DISP1: variants seen among roughly 807,000 people sequenced by gnomAD.
The protein encoded by DISP1 is dispatched RND transporter family member 1.
Under a neutral mutation model 37.3 loss-of-function variants are expected in DISP1, and 30 were observed. The observed-to-expected ratio is 0.80, with a 90% CI of 0.60 to 1.09. DISP1 has a LOEUF of 1.09. Among genes scored for constraint, DISP1 ranks in the 50% least tolerant of loss-of-function variants. DISP1 has a pLI of 0.00. For missense variants in DISP1, 1,598 were observed against 1,879.5 expected, an observed-to-expected ratio of 0.85 and a Z score of 2.77; for synonymous variants, 634 against 690.2, an observed-to-expected ratio of 0.92 and a Z score of 1.28.
intron 2 of DISP1, among the ~76,000 whole-genome samples, chr1:222,937,760 A>C (rs1347528479): frequency 6.7e-6 from 1 of 148,162 alleles, no homozygotes; most frequent in African/African-American, 2.5e-5. Flanking sequence ...GTGTGGGCAC[A>C]TCACATCTCA....
intron 1 of DISP1, among the ~76,000 whole-genome samples, chr1:222,842,797 C>T (rs1447926017): frequency 2.6e-5 from 4 of 151,962 alleles, no homozygotes; most frequent in African/African-American, 4.8e-5. Context: ...ATTGTTTGAC[C>T]TCAGAACCTT....
intron 1 of DISP1, among the ~76,000 whole-genome samples, chr1:222,910,595 G>T (rs1032160229): frequency 6.6e-6 from 1 of 152,164 alleles, no homozygotes; most frequent in African/African-American, 2.4e-5. Flanking sequence ...TTTGAAATGT[G>T]TGAACATGAT....
At chr1:222,963,607 C>A (rs1676227354) in intron 3 of DISP1, among the ~76,000 whole-genome samples, 1 of 152,124 alleles carries the variant, frequency 6.6e-6, no homozygotes, top group African/African-American at 2.4e-5. Flanking sequence ...AAGATCATGT[C>A]CTTTGCAGAG....
intron 1 of DISP1, among the ~76,000 whole-genome samples, chr1:222,914,578 A>G (rs1672387844): frequency 6.6e-6 from 1 of 152,154 alleles, no homozygotes; most frequent in Non-Finnish European, 1.5e-5. Context: ...TGAGACCATT[A>G]TCCTTCCCTT....
intron 2 of DISP1, among the ~76,000 whole-genome samples, chr1:222,932,410 T>C (rs1020774935): frequency 3.3e-5 from 5 of 151,982 alleles, no homozygotes; most frequent in African/African-American, 1.2e-4. Context: ...AATATTCATA[T>C]TTAATGCATA....
chr1:222,909,992 A>T (rs1299732291), intron 1 of DISP1, among the ~76,000 whole-genome samples: 2 of 152,156 alleles, frequency 1.3e-5, no homozygotes, highest in Non-Finnish European at 2.9e-5. Context: ...GTAGGATAAA[A>T]ACACAGTTTA....
At chr1:222,849,347 A>G (rs1005979701) in intron 1 of DISP1, among the ~76,000 whole-genome samples, 7 of 152,198 alleles carry the variant, frequency 4.6e-5, no homozygotes, top group Non-Finnish European at 1.0e-4. Context: ...TAACCATGTG[A>G]AAAATACCAA....
chr1:222,894,607 GC>G (rs1671138089), intron 1 of DISP1, among the ~76,000 whole-genome samples: 1 of 152,214 alleles, frequency 6.6e-6, no homozygotes, highest in African/African-American at 2.4e-5. Flanking sequence ...GGGGCAGGGG[GC>G]TTCTCGGGCC....
At chr1:222,838,539 T>G (rs1321624500) in intron 1 of DISP1, among the ~76,000 whole-genome samples, 1 of 152,108 alleles carries the variant, frequency 6.6e-6, no homozygotes, top group Non-Finnish European at 1.5e-5. Flanking sequence ...GAGCCCCAGG[T>G]AGAAGGATCA....
chr1:222,968,360 CCAGTTAA>C (rs1676663039), intron 3 of DISP1, among the ~76,000 whole-genome samples: 2 of 152,144 alleles, frequency 1.3e-5, no homozygotes, highest in South Asian at 4.1e-4. Flanking sequence ...AAAATGGGCA[CCAGTTAA>C]CTGAGAGATT....
In DISP1 at chr1:222,942,848, G is replaced by A. The variant is rs1674483417; in HGVS notation, c.25G>A (p.Asp9Asn). The A allele has an allele frequency of 6.2e-7, 1 of 1,614,172 alleles. No individual in the cohort carries two copies. The highest frequency in any genetic ancestry group is 1.3e-5 in the African/African-American group (1 of 75,048). Reference sequence around the variant, plus strand: ...CATGGCTATGAGCAATGGAAACAATGATTTTGTGGTTCTGAGCAACAGCAG... The same window carrying A: ...CATGGCTATGAGCAATGGAAACAATAATTTTGTGGTTCTGAGCAACAGCAG... MAMSNGNN[D>N]FVVLSNSSIA... Residue 9 changes from aspartate (D) to asparagine (N), a missense_variant, in exon 3 of 9, where the codon GAT (aspartate) becomes AAT (asparagine). Transcript: ENST00000675850.
intron 1 of DISP1, among the ~76,000 whole-genome samples, chr1:222,836,214 C>T (rs186164301): frequency 3.3e-5 from 5 of 152,222 alleles, no homozygotes; most frequent in Admixed American, 2.0e-4. Context: ...TGTAAGTAAG[C>T]GTGCTAGGTT....
Position 223,005,551 on chromosome 1 carries a change from T to C in DISP1, c.4154T>C (p.Leu1385Pro), listed in dbSNP as rs1274071713. 1 of 1,614,024 alleles carries C rather than the reference T, an allele frequency of 6.2e-7. No homozygotes were observed. Among genetic ancestry groups the C allele is most frequent in the East Asian group, 2.2e-5 (1 of 44,864 alleles). The change falls in exon 9 of 9, where the codon CTT becomes CCT. Residue 1385 changes from leucine to proline, a missense_variant. Coordinates refer to ENST00000675850, the MANE Select transcript of DISP1 (RefSeq NM_001377229.1). ...HSLQRSIEEH[L>P]PKMAEPSSFV... ...CTTCAGAGGAGCATAGAAGAGCATCTTCCAAAGATGGCAGAGCCATCGTCA... is the reference window on the plus strand; with the variant it reads ...CTTCAGAGGAGCATAGAAGAGCATCCTCCAAAGATGGCAGAGCCATCGTCA...
intron 1 of DISP1, among the ~76,000 whole-genome samples, chr1:222,924,764 A>G (rs149037135): frequency 6.4e-4 from 97 of 152,296 alleles, no homozygotes; most frequent in African/African-American, 2.3e-3. Flanking sequence ...AAAAAAGATA[A>G]ATAGACAAGA....
In DISP1 at chr1:222,849,005, G is replaced by A. The variant is rs529670810; in HGVS notation, c.-159+33927G>A. Among the ~76,000 whole-genome samples the A allele has an allele frequency of 1.1e-4, 16 of 152,230 alleles. No individual in the cohort carries two copies. The South Asian group carries it at 1.5e-3, about 14-fold the overall frequency. On this transcript the variant is annotated intron_variant, in intron 1 of 8. Coordinates refer to ENST00000675850, the MANE Select transcript of DISP1 (RefSeq NM_001377229.1). ...AGGCAAAAAGTCACATTTTTGGAGTGTGTCTTTTGTATTTTCTGCTTTTAA... is the reference window on the plus strand; with the variant it reads ...AGGCAAAAAGTCACATTTTTGGAGTATGTCTTTTGTATTTTCTGCTTTTAA...
At chr1:222,939,704 C>G (rs1331125542) in intron 2 of DISP1, among the ~76,000 whole-genome samples, 2 of 151,910 alleles carry the variant, frequency 1.3e-5, no homozygotes, top group Admixed American at 6.6e-5. Flanking sequence ...GTGGCACACA[C>G]CTGTGATCCC....
intron 3 of DISP1, among the ~76,000 whole-genome samples, chr1:222,953,524 G>A (rs1488410405): frequency 6.6e-6 from 1 of 152,072 alleles, no homozygotes; most frequent in Non-Finnish European, 1.5e-5. Context: ...GAATAAATAG[G>A]CCTCTTTAGC....
chr1:222,828,616 C>T (rs951602169), intron 1 of DISP1, among the ~76,000 whole-genome samples: 6 of 152,116 alleles, frequency 3.9e-5, no homozygotes, highest in African/African-American at 1.4e-4. Context: ...GGTCTTTGCT[C>T]AGGCTCTCCA....
At chr1:222,975,229 C>T (rs959946943) in intron 3 of DISP1, among the ~76,000 whole-genome samples, 10 of 151,788 alleles carry the variant, frequency 6.6e-5, no homozygotes, top group African/African-American at 1.9e-4. Flanking sequence ...CTCACTATCA[C>T]GCCCAGGCCA....
Sources: allele counts gnomAD v4.1 joint callset (sites outside exome capture counted in the v4.1 genomes callset), GRCh38; gene constraint gnomAD v4.1.1; transcripts MANE v1.5; gene names NCBI Gene and HGNC (gene_info 2026-07-23, HGNC 2026-07-21).